Variants in ST6GAL1 observed in about 807,000 individuals in gnomAD.
The protein encoded by ST6GAL1 is ST6 beta-galactoside alpha-2,6-sialyltransferase 1.
ST6GAL1 carries 20 observed loss-of-function variants against 38.0 expected under a neutral mutation model. The ratio of observed to expected loss-of-function variants is 0.53; its 90% CI spans 0.37 to 0.77. ST6GAL1 has a LOEUF of 0.77. Ranked by LOEUF, ST6GAL1 falls within the 30% of genes least tolerant of loss-of-function variation. ST6GAL1 has a pLI of 0.00. For missense variants in ST6GAL1, 432 were observed against 496.4 expected (o/e 0.87, Z 1.23); for synonymous variants, 196 against 188.2 (o/e 1.04, Z -0.34).
intron 2 of ST6GAL1, among the ~76,000 whole-genome samples, chr3:186,968,330 G>A (rs1715223044): frequency 6.6e-6 from 1 of 152,050 alleles, no homozygotes; most frequent in African/African-American, 2.4e-5. Context: ...CCTATTAGAT[G>A]GTACCCATTA....
chr3:186,997,356 C>G (rs534761147), intron 2 of ST6GAL1, among the ~76,000 whole-genome samples: 39 of 152,122 alleles, frequency 2.6e-4, no homozygotes, highest in Non-Finnish European at 2.4e-4. Context: ...ATGGTGGAAT[C>G]AGGGCTGGAG....
At chr3:187,042,558 C>A in intron 3 of ST6GAL1, 96 bp from the exon 4 acceptor site, 1 of 1,206,744 alleles carries the variant, frequency 8.3e-7, no homozygotes, top group Non-Finnish European at 1.1e-6. Flanking sequence ...TTCAAGTCAC[C>A]TCATTTCAAA....
At chr3:186,969,200 T>TG (rs34727437) in intron 2 of ST6GAL1, among the ~76,000 whole-genome samples, 1 of 151,826 alleles carries the variant, frequency 6.6e-6, no homozygotes, top group East Asian at 1.9e-4. Context: ...TACAGGCACC[T>TG]GGCCACCATG....
chr3:187,028,017 A>C (rs997554199), intron 2 of ST6GAL1, among the ~76,000 whole-genome samples: 1 of 152,176 alleles, frequency 6.6e-6, no homozygotes, highest in African/African-American at 2.4e-5. Flanking sequence ...CAATGTGGAG[A>C]TCGTGGAGGT....
At position 187,075,991 on chromosome 3, in the gene ST6GAL1, G is replaced by T; in HGVS notation, c.*188G>T. ...TCAGGTCCAGCCTTCCCTGTAGCCA[G>T]ACAGTTTATGAGCCCAGAGCCTCCT... On this transcript the variant is annotated 3_prime_UTR_variant, in exon 8 of 8. Coordinates refer to ENST00000169298, the MANE Select transcript of ST6GAL1 (RefSeq NM_173216.2). This position sits in a 1 kb window ranked among gnomAD's most constrained non-coding sequence, Gnocchi z 4.1. 1.2e-6 allele frequency: 1 copy of T among 807,526 alleles called. No individual in the cohort carries two copies. Among genetic ancestry groups the T allele is most frequent in the Non-Finnish European group, 1.9e-6 (1 of 530,544 alleles). The allele number at this position is 807,526 out of a possible 1,614,324, so 50.0% of individuals were successfully genotyped here.
chr3:187,077,052 G>A lies in ST6GAL1; in HGVS notation c.*1249G>A. On this transcript the variant is annotated 3_prime_UTR_variant, in exon 8 of 8. Coordinates refer to ENST00000169298, the MANE Select transcript of ST6GAL1 (RefSeq NM_173216.2). ...TCTTTGAGCTCACGGGCCTTTTGCTGAAGGTCTCTCAGGGTGTAGTGGTGT... is the reference window on the plus strand; with the variant it reads ...TCTTTGAGCTCACGGGCCTTTTGCTAAAGGTCTCTCAGGGTGTAGTGGTGT... The A allele has an allele frequency of 7.5e-6, 3 of 398,204 alleles. No homozygotes were observed. Among genetic ancestry groups the A allele is most frequent in the Non-Finnish European group, 8.9e-6 (2 of 225,988 alleles). 24.7% of individuals were successfully genotyped at this position (398,204 alleles called of 1,614,324 possible).
intron 2 of ST6GAL1, among the ~76,000 whole-genome samples, chr3:187,006,892 T>G (rs1716802197): frequency 6.6e-6 from 1 of 152,148 alleles, no homozygotes. Context: ...AAGAGGAAAG[T>G]TTTCTAGCTG....
chr3:187,072,220 C>T (rs1719407203), intron 5 of ST6GAL1: 1 of 153,386 alleles, frequency 6.5e-6, no homozygotes, highest in Non-Finnish European at 1.5e-5. Context: ...GAGCTTCTCA[C>T]CAGCCCGGTG....
chr3:187,005,502 C>G (rs1441418555), intron 2 of ST6GAL1, among the ~76,000 whole-genome samples: 2 of 152,032 alleles, frequency 1.3e-5, no homozygotes, highest in African/African-American at 4.8e-5. Context: ...GTCTCGATCT[C>G]CTGACCTCGT....
chr3:187,066,360 TC>T (rs1719129342), intron 5 of ST6GAL1, among the ~76,000 whole-genome samples: 2 of 152,126 alleles, frequency 1.3e-5, no homozygotes, highest in Admixed American at 6.5e-5. Flanking sequence ...TCTGCGGGTC[TC>T]TTCTTGTTGT....
At chr3:186,988,375 A>T (rs1716028039) in intron 2 of ST6GAL1, among the ~76,000 whole-genome samples, 1 of 152,084 alleles carries the variant, frequency 6.6e-6, no homozygotes, top group African/African-American at 2.4e-5. Context: ...TGTTGATCAC[A>T]CTGACGGAAA....
chr3:187,042,385 G>A (rs553679845), intron 3 of ST6GAL1, among the ~76,000 whole-genome samples: 1 of 152,202 alleles, frequency 6.6e-6, no homozygotes, highest in South Asian at 2.1e-4. Flanking sequence ...GTAATGATGG[G>A]AGGACATATA....
intron 5 of ST6GAL1, among the ~76,000 whole-genome samples, chr3:187,066,185 A>G (rs1719116924): frequency 6.6e-6 from 1 of 152,266 alleles, no homozygotes; most frequent in Non-Finnish European, 1.5e-5. Context: ...TTAATATCAT[A>G]ATTGGAGCTA....
At chr3:186,992,925 A>G (rs1023900841) in intron 2 of ST6GAL1, among the ~76,000 whole-genome samples, 1 of 152,198 alleles carries the variant, frequency 6.6e-6, no homozygotes, top group African/African-American at 2.4e-5. Flanking sequence ...ACTGCTGGTC[A>G]GTGTTTATGA....
At position 187,024,478 on chromosome 3, in the gene ST6GAL1, A is replaced by G. The variant is rs545630808; in HGVS notation, c.-182-14264A>G. 3.7e-3 allele frequency among the ~76,000 whole-genome samples: 274 copies of G among 74,384 alleles called. 1 individual carries two copies. Among genetic ancestry groups the G allele is most frequent in the Non-Finnish European group, 6.6e-3 (230 of 34,974 alleles). The allele number at this position is 74,384 out of a possible 152,430, so 48.8% of individuals were successfully genotyped here. Reference sequence around the variant, plus strand: ...CATATATACACATATATATGTGTATATATATATATATATATAGAGAGAGAG... The same window carrying G: ...CATATATACACATATATATGTGTATGTATATATATATATATAGAGAGAGAG... On this transcript the variant is annotated intron_variant, in intron 2 of 7. Transcript: ENST00000169298.
chr3:187,051,434 G>T, intron 5 of ST6GAL1, 88 bp downstream of exon 5: 1 of 1,211,954 alleles, frequency 8.3e-7, no homozygotes, highest in Non-Finnish European at 1.2e-6. Flanking sequence ...AGCATATCTA[G>T]GCTGCCAATT....
chr3:186,968,593 C>T (rs940720649), intron 2 of ST6GAL1, among the ~76,000 whole-genome samples: 3 of 152,124 alleles, frequency 2.0e-5, no homozygotes, highest in East Asian at 1.9e-4. Context: ...ACTATAGGTT[C>T]GTTTGCATTT....
At chr3:186,978,884 A>G (rs528124620) in intron 2 of ST6GAL1, among the ~76,000 whole-genome samples, 1 of 151,796 alleles carries the variant, frequency 6.6e-6, no homozygotes, top group Non-Finnish European at 1.5e-5. Flanking sequence ...TTGCACTGCT[A>G]TTCTCTGTTG....
intron 2 of ST6GAL1, among the ~76,000 whole-genome samples, chr3:186,966,543 A>G (rs1157233944): frequency 2.0e-5 from 3 of 152,220 alleles, no homozygotes; most frequent in Non-Finnish European, 2.9e-5. Flanking sequence ...GTTCCCACAC[A>G]CAGAGTCTCT....
Sources: allele counts gnomAD v4.1 joint callset (sites outside exome capture counted in the v4.1 genomes callset), GRCh38; gene constraint gnomAD v4.1.1; non-coding constraint Gnocchi (gnomAD v3.1); transcripts MANE v1.5; gene names NCBI Gene and HGNC (gene_info 2026-07-23, HGNC 2026-07-21).